The following WWOX variants were observed in gnomAD, a reference collection of about 807,000 sequenced individuals.
WWOX encodes the protein WW domain containing oxidoreductase.
WWOX carries 69 observed loss-of-function variants against 46.2 expected under a neutral mutation model. That is an observed-to-expected ratio of 1.49 (90% CI 1.23 to 1.82). WWOX has a LOEUF of 1.82. Among genes scored for constraint, WWOX ranks in the 40% most tolerant of loss-of-function variants. WWOX has a pLI of 0.00. For missense variants in WWOX, 919 were observed against 542.6 expected (o/e 1.69, Z -6.89); for synonymous variants, 359 against 202.6 (o/e 1.77, Z -6.56).
At chr16:78,849,394 A>T (rs1197038591) in intron 8 of WWOX, among the ~76,000 whole-genome samples, 1 of 151,086 alleles carries the variant, frequency 6.6e-6, no homozygotes, top group Non-Finnish European at 1.5e-5. Flanking sequence ...ACACGGTGAA[A>T]CCCCATCTCT....
At chr16:78,803,593 A>AT (rs1392862297) in intron 8 of WWOX, among the ~76,000 whole-genome samples, 1 of 152,060 alleles carries the variant, frequency 6.6e-6, no homozygotes, top group Non-Finnish European at 1.5e-5. Flanking sequence ...AACCACAGGC[A>AT]TATACCACCA....
intron 8 of WWOX, among the ~76,000 whole-genome samples, chr16:78,847,012 C>G (rs575820481): frequency 2.6e-5 from 4 of 152,340 alleles, no homozygotes; most frequent in African/African-American, 4.8e-5. Context: ...CATAGGAGGT[C>G]TTTCGGGCAG....
chr16:78,693,360 T>A (rs2048031510), intron 8 of WWOX, among the ~76,000 whole-genome samples: 1 of 152,184 alleles, frequency 6.6e-6, no homozygotes, highest in Non-Finnish European at 1.5e-5. Context: ...CAGTTAATTT[T>A]CTCTCTGTTT....
chr16:78,433,997 G>C (rs1197576899), intron 8 of WWOX, among the ~76,000 whole-genome samples: 1 of 151,806 alleles, frequency 6.6e-6, no homozygotes, highest in Non-Finnish European at 1.5e-5. Flanking sequence ...CACCGTTTTA[G>C]CCGGGATGGT....
chr16:78,153,019 A>C (rs1045875472), intron 4 of WWOX, among the ~76,000 whole-genome samples: 8 of 152,204 alleles, frequency 5.3e-5, no homozygotes, highest in Admixed American at 5.2e-4. Flanking sequence ...AGGGCTGGCT[A>C]TGACTTATTT....
chr16:78,731,634 G>A (rs565558212), intron 8 of WWOX, among the ~76,000 whole-genome samples: 2 of 152,164 alleles, frequency 1.3e-5, no homozygotes, highest in African/African-American at 4.8e-5. Context: ...ATGGCATGAA[G>A]CACTTCAGCT....
Position 78,763,158 on chromosome 16 carries a change from C to T in WWOX, c.1056+330406C>T, listed in dbSNP as rs557003993. Among the ~76,000 whole-genome samples, 15 of 152,334 alleles carry T rather than the reference C, an allele frequency of 9.8e-5. No homozygotes were observed. In the South Asian group the frequency reaches 2.9e-3, roughly 29 times the overall value. ...GCTGAAGTACTGAAAGCGTTACAGTCAAGGGCCAGAAAACCATTGTTCAAG... is the reference window on the plus strand; with the variant it reads ...GCTGAAGTACTGAAAGCGTTACAGTTAAGGGCCAGAAAACCATTGTTCAAG... On this transcript the variant is annotated intron_variant, in intron 8 of 8. Coordinates refer to ENST00000566780, the MANE Select transcript of WWOX (RefSeq NM_016373.4).
At chr16:78,203,936 G>C (rs1255884938) in intron 5 of WWOX, among the ~76,000 whole-genome samples, 1 of 152,216 alleles carries the variant, frequency 6.6e-6, no homozygotes, top group East Asian at 1.9e-4. Context: ...GAAGCTTGCT[G>C]CCTTGAATTC....
chr16:79,157,860 G>A (rs936870075), intron 8 of WWOX, among the ~76,000 whole-genome samples: 1 of 152,188 alleles, frequency 6.6e-6, no homozygotes, highest in Admixed American at 6.5e-5. Flanking sequence ...GTAGACTAGG[G>A]TTTGAGTAAG....
At position 78,641,221 on chromosome 16, in the gene WWOX, A is replaced by T. The variant is rs574064212; in HGVS notation, c.1056+208469A>T. The stretch of plus-strand genomic sequence containing the variant: ...CTGTGTTTATTTTTTTTCAGGTCTA[A>T]GTTTCCCCCAGGAGATTTTTTTTTT... On this transcript the variant is annotated intron_variant, in intron 8 of 8. Transcript: ENST00000566780. Among the ~76,000 whole-genome samples the T allele has an allele frequency of 8.5e-5, 13 of 152,162 alleles. No homozygotes were observed. The South Asian group carries it at 2.7e-3, about 32-fold the overall frequency.
chr16:79,210,143 G>A (rs764583431), intron 8 of WWOX, among the ~76,000 whole-genome samples: 12 of 152,200 alleles, frequency 7.9e-5, no homozygotes, highest in East Asian at 3.9e-4. Flanking sequence ...TCCACACCCC[G>A]CCCAGAGTCG....
In WWOX at chr16:78,099,729, G is replaced by A. The variant is rs1355456181; in HGVS notation, c.-50G>A. ...GGAGCGGGAGTGAGTTCCTGAGCGA[G>A]TGGACCCGGCAGCGGGCGATAGGGG... On this transcript the variant is annotated 5_prime_UTR_variant, in exon 1 of 9. It adds an upstream start codon to the 5' untranslated region. Coordinates refer to ENST00000566780, the MANE Select transcript of WWOX (RefSeq NM_016373.4). 1 of 1,510,448 alleles carries A rather than the reference G, an allele frequency of 6.6e-7. No individual in the cohort carries two copies. Among genetic ancestry groups the A allele is most frequent in the Non-Finnish European group, 8.9e-7 (1 of 1,129,868 alleles). The allele number at this position is 1,510,448 out of a possible 1,614,324, so 93.6% of individuals were successfully genotyped here. A position where few individuals can be genotyped will look rare whatever the true frequency, so the allele number is the denominator to read the frequency against.
intron 8 of WWOX, among the ~76,000 whole-genome samples, chr16:79,193,376 A>G (rs1339610793): frequency 6.6e-6 from 1 of 152,214 alleles, no homozygotes; most frequent in East Asian, 1.9e-4. Flanking sequence ...GATGTAGGGC[A>G]TCTCCCCAAA....
chr16:78,487,499 T>G (rs2084668580), intron 8 of WWOX, among the ~76,000 whole-genome samples: 1 of 152,196 alleles, frequency 6.6e-6, no homozygotes, highest in African/African-American at 2.4e-5. Flanking sequence ...ACTGAGGGTT[T>G]GCGAGAGGCA....
chr16:78,944,834 C>G (rs149802009), intron 8 of WWOX, among the ~76,000 whole-genome samples: 42 of 152,220 alleles, frequency 2.8e-4, no homozygotes, highest in African/African-American at 8.9e-4. Context: ...TAGCTGCTTC[C>G]CTGGTAATTC....
chr16:78,432,805 C>T (rs952111485), intron 8 of WWOX, 53 bp downstream of exon 8: 1 of 1,612,900 alleles, frequency 6.2e-7, no homozygotes. Flanking sequence ...GAGAAACCTG[C>T]ACACTTGTGT....
intron 8 of WWOX, among the ~76,000 whole-genome samples, chr16:79,141,735 G>A (rs773272430): frequency 6.6e-5 from 10 of 151,478 alleles, no homozygotes; most frequent in Non-Finnish European, 1.0e-4. Context: ...CGTCTAGCAC[G>A]GAGGGCCAGA....
chr16:78,855,717 G>T (rs1597726524), intron 8 of WWOX, among the ~76,000 whole-genome samples: 2 of 152,292 alleles, frequency 1.3e-5, no homozygotes, highest in African/African-American at 4.8e-5. Context: ...TATTGGTTGG[G>T]GTGGAGAGAG....
chr16:78,722,740 A>G (rs1597493126), intron 8 of WWOX, among the ~76,000 whole-genome samples: 4 of 146,370 alleles, frequency 2.7e-5, no homozygotes, highest in Admixed American at 2.1e-4. Context: ...TAAACAAAGG[A>G]ATAGAAGATC....
Sources: allele counts gnomAD v4.1 joint callset (sites outside exome capture counted in the v4.1 genomes callset), GRCh38; gene constraint gnomAD v4.1.1; transcripts MANE v1.5; gene names NCBI Gene and HGNC (gene_info 2026-07-23, HGNC 2026-07-21).